Variants in FAM32A observed in about 807,000 individuals in gnomAD.
FAM32A encodes family with sequence similarity 32 member A.
Under a neutral mutation model 15.8 loss-of-function variants are expected in FAM32A, and 9 were observed. The observed-to-expected ratio is 0.57, with a 90% CI of 0.34 to 1.00. FAM32A has a LOEUF of 1.00. Among genes scored for constraint, FAM32A ranks in the 50% least tolerant of loss-of-function variants. FAM32A has a pLI of 0.02. For synonymous variants in FAM32A, 64 were observed against 54.9 expected (o/e 1.16, Z -0.73); for missense variants, 113 against 138.3 (o/e 0.82, Z 0.92).
intron 2 of FAM32A, among the ~76,000 whole-genome samples, chr19:16,187,934 CG>C (rs1370064772): frequency 2.0e-5 from 3 of 151,134 alleles, no homozygotes; most frequent in Non-Finnish European, 2.9e-5. Flanking sequence ...TTAGTAGAGA[CG>C]GGGTTTCACC....
rs1227638341 is a variant in FAM32A at position 16,185,528 on chromosome 19, G to A, written c.74+12G>A. On this transcript the variant is annotated intron_variant, in intron 1 of 3. Coordinates refer to ENST00000263384, the MANE Select transcript of FAM32A (RefSeq NM_014077.4). The stretch of plus-strand genomic sequence containing the variant: ...GGAGTGACCAAGCGGTGAGGCCCGA[G>A]GGCCCGCGGGATTCCGTCTTCATCC... 1 of 1,567,108 alleles carries A rather than the reference G, an allele frequency of 6.4e-7. No homozygotes were observed. The highest frequency in any genetic ancestry group is 8.7e-7 in the Non-Finnish European group (1 of 1,155,198).
At position 16,185,435 on chromosome 19, in the gene FAM32A, A is replaced by T; in HGVS notation, c.-8A>T. ...GGCACTCCAGCTACCGAAGCACTGG[A>T]GAGTGTCATGGAGGCCTACGAGCAG... On this transcript the variant is annotated 5_prime_UTR_variant, in exon 1 of 4. Transcript: ENST00000263384. The T allele has an allele frequency of 6.4e-7, 1 of 1,555,362 alleles. No homozygotes were observed. The highest frequency in any genetic ancestry group is 8.7e-7 in the Non-Finnish European group (1 of 1,148,914).
At position 16,190,548 on chromosome 19, in the gene FAM32A, C is replaced by G. The variant is rs2091402083; in HGVS notation, c.245C>G (p.Ser82Cys). Residue 82 changes from serine to cysteine, a missense_variant, in exon 3 of 4, where the codon TCC (serine) becomes TGC (cysteine). Transcript: ENST00000263384. ...RQMERILKKA[S>C]KTHKQRVEDF... ...ATGGAAAGGATCCTAAAGAAGGCAT[C>G]CAAAACCCACAAGCAGAGAGTGGAG... The G allele has an allele frequency of 1.2e-6, 2 of 1,613,358 alleles. No individual in the cohort carries two copies. Among genetic ancestry groups the G allele is most frequent in the Admixed American group, 3.3e-5 (2 of 59,952 alleles).
intron 2 of FAM32A, among the ~76,000 whole-genome samples, chr19:16,189,960 C>T (rs868148167): frequency 1.3e-5 from 2 of 151,986 alleles, no homozygotes; most frequent in South Asian, 2.1e-4. Context: ...TGAGCCACCG[C>T]GCCCAGCCCA....
rs1313526160 is a variant in FAM32A, at chr19:16,185,763, C to T, written c.214C>T (p.Arg72Trp). 71 of 1,550,044 alleles carry T rather than the reference C, an allele frequency of 4.6e-5. No homozygotes were observed. Among genetic ancestry groups the T allele is most frequent in the Non-Finnish European group, 5.9e-5 (68 of 1,146,588 alleles). Residue 72 changes from arginine to tryptophan, a missense_variant and splice_region_variant, in exon 2 of 4, where the codon CGG (arginine) becomes TGG (tryptophan). By Grantham distance (101) the Arg-to-Trp change is moderately radical (BLOSUM62 -3). Around this residue, in one of 2 missense-constraint regions of FAM32A, gnomAD observed 112 missense variants for 118.6 expected, o/e 0.94. Transcript: ENST00000263384. ...GGCCTTCGAGAAAATGCAGGAGAAG[C>T]GGGTGAGCAGAAGCAGAAGGCGGCG... ...QAAFEKMQEK[R>W]QMERILKKAS...
Position 16,185,741 on chromosome 19 carries a change from C to T in FAM32A, c.192C>T (p.Ala64=), listed in dbSNP as rs1568342413. The stretch of plus-strand genomic sequence containing the variant: ...ACAAGCGGACCCCGGCCCAGGCGGC[C>T]TTCGAGAAAATGCAGGAGAAGCGGG... ...GLDKRTPAQA[A]FEKMQEKRQM... is the part of the protein sequence containing the mutation. Residue 64 remains alanine (A), a synonymous_variant, in exon 2 of 4, where the codon GCC becomes GCT. Coordinates refer to ENST00000263384, the MANE Select transcript of FAM32A (RefSeq NM_014077.4). The T allele has an allele frequency of 6.4e-7, 1 of 1,552,570 alleles. No individual in the cohort carries two copies. Among genetic ancestry groups the T allele is most frequent in the East Asian group, 2.4e-5 (1 of 41,140 alleles).
In FAM32A at chr19:16,190,516, C is replaced by T; in HGVS notation, c.217-4C>T. ...ACTCACCTCCATGTCTCTTCTCTCT[C>T]CAGCAAATGGAAAGGATCCTAAAGA... is the stretch of plus-strand genomic sequence containing the variant. On this transcript the variant is annotated splice_polypyrimidine_tract_variant and splice_region_variant and intron_variant, in intron 2 of 3. Transcript: ENST00000263384. 6.2e-7 allele frequency: 1 copy of T among 1,608,332 alleles called. No individual in the cohort carries two copies. Among genetic ancestry groups the T allele is most frequent in the Non-Finnish European group, 8.5e-7 (1 of 1,176,588 alleles).
chr19:16,185,828 G>A, intron 2 of FAM32A, 63 bp downstream of exon 2: 1 of 1,524,714 alleles, frequency 6.6e-7, no homozygotes, highest in South Asian at 1.2e-5. Flanking sequence ...CTGGAAATTG[G>A]GGTCAGGGCT....
At chr19:16,188,615 C>T (rs1243785650) in intron 2 of FAM32A, among the ~76,000 whole-genome samples, 4 of 152,354 alleles carry the variant, frequency 2.6e-5, no homozygotes, top group South Asian at 4.1e-4. Context: ...CTGGGTGTCA[C>T]GCCTGTGGGC....
In FAM32A at chr19:16,185,695, A is replaced by G. The variant is rs1346783902; in HGVS notation, c.146A>G (p.Glu49Gly). Reference sequence around the variant, plus strand: ...ATGGGAACGAGCAAAAAGAACGAGGAGGAGAAGCGGCGCGGCCTGGACAAG... The same window carrying G: ...ATGGGAACGAGCAAAAAGAACGAGGGGGAGAAGCGGCGCGGCCTGGACAAG... Reference protein sequence around the residue: ...EAMGTSKKNEEEKRRGLDKRT... With the variant: ...EAMGTSKKNEGEKRRGLDKRT... Residue 49 changes from glutamate to glycine, a missense_variant, in exon 2 of 4, where the codon GAG becomes GGG. Glu to Gly is a moderately conservative substitution (Grantham distance 98, BLOSUM62 -2). Transcript: ENST00000263384. 1 of 1,572,642 alleles carries G rather than the reference A, an allele frequency of 6.4e-7. No individual in the cohort carries two copies. Among genetic ancestry groups the G allele is most frequent in the African/African-American group, 1.3e-5 (1 of 74,394 alleles).
intron 3 of FAM32A, 23 bp from the exon 4 acceptor site, chr19:16,190,864 G>A (rs375373984): frequency 1.6e-5 from 25 of 1,608,420 alleles, no homozygotes; most frequent in Middle Eastern, 1.6e-4. Flanking sequence ...CGCTGACACC[G>A]GCCTTCTACT....
rs561993332 is a variant in FAM32A at position 16,187,079 on chromosome 19, A to G, written c.216+1314A>G. The stretch of plus-strand genomic sequence containing the variant: ...TCTAATTCAGGCATACAGAAAACAC[A>G]TGGATGCACTACCTCTGGCATGACA... On this transcript the variant is annotated intron_variant, in intron 2 of 3. Coordinates refer to ENST00000263384, the MANE Select transcript of FAM32A (RefSeq NM_014077.4). Among the ~76,000 whole-genome samples, 52 of 152,258 alleles carry G rather than the reference A, an allele frequency of 3.4e-4. 1 individual carries two copies. The South Asian group carries it at 6.0e-3, about 18-fold the overall frequency.
At chr19:16,187,885 A>G (rs1420135010) in intron 2 of FAM32A, among the ~76,000 whole-genome samples, 1 of 152,056 alleles carries the variant, frequency 6.6e-6, no homozygotes, top group Non-Finnish European at 1.5e-5. Flanking sequence ...AGCTGGGACT[A>G]CAGGCGCCCA....
At chr19:16,190,161 C>G (rs753067354) in intron 2 of FAM32A, among the ~76,000 whole-genome samples, 2 of 151,766 alleles carry the variant, frequency 1.3e-5, no homozygotes, top group Non-Finnish European at 2.9e-5. Context: ...CCCTTTACCT[C>G]TCTCTTTCTC....
In FAM32A at chr19:16,191,878, AG is replaced by A. The variant is rs1489957091; in HGVS notation, c.*926del. 5.2e-5 allele frequency: 8 copies of A among 152,420 alleles called. No homozygotes were observed. The highest frequency in any genetic ancestry group is 1.9e-4 in the African/African-American group (8 of 41,580). 9.4% of individuals were successfully genotyped at this position (152,420 alleles called of 1,614,324 possible). ...CCGTGTTGGAGGGCTGGGATCTTGT[AG>A]GGCCTGTGCGTCCTGGCTGAGGATC... is the stretch of plus-strand genomic sequence containing the variant. On this transcript the variant is annotated 3_prime_UTR_variant, in exon 4 of 4. Coordinates refer to ENST00000263384, the MANE Select transcript of FAM32A (RefSeq NM_014077.4).
At chr19:16,186,229 C>T (rs34285773) in intron 2 of FAM32A, 253 of 159,304 alleles carry the variant, frequency 1.6e-3, no homozygotes, top group African/African-American at 5.9e-3. Context: ...TATTAAATGG[C>T]CATGCTCGCC....
chr19:16,189,970 A>G (rs1898716811), intron 2 of FAM32A, among the ~76,000 whole-genome samples: 2 of 151,984 alleles, frequency 1.3e-5, no homozygotes, highest in South Asian at 4.1e-4. Context: ...CGCCCAGCCC[A>G]CACTCCCAGC....
intron 2 of FAM32A, among the ~76,000 whole-genome samples, chr19:16,189,694 T>TTTTTTTTTTTTTTTTTTGGGGGGGGGGGG: frequency 8.3e-6 from 1 of 120,592 alleles, no homozygotes; most frequent in South Asian, 2.6e-4. Flanking sequence ...TTTTTTTTTT[T>TTTTTTTTTTTTTTTTTTGGGGGGGGGGGG]GACAGGGTCT....
Position 16,190,576 on chromosome 19 carries a change from G to A in FAM32A, c.270+3G>A, listed in dbSNP as rs1445174926. ...AAACCCACAAGCAGAGAGTGGAGGTGAGTCGCCGTGTCCAGTGGGGGAGAC... is the reference window on the plus strand; with the variant it reads ...AAACCCACAAGCAGAGAGTGGAGGTAAGTCGCCGTGTCCAGTGGGGGAGAC... On this transcript the variant is annotated splice_donor_region_variant and intron_variant, in intron 3 of 3. Transcript: ENST00000263384. 1.9e-6 allele frequency: 3 copies of A among 1,611,388 alleles called. No individual in the cohort carries two copies. Among genetic ancestry groups the A allele is most frequent in the African/African-American group, 1.3e-5 (1 of 74,848 alleles).
Sources: allele counts gnomAD v4.1 joint callset (sites outside exome capture counted in the v4.1 genomes callset), GRCh38; gene constraint gnomAD v4.1.1; regional missense constraint gnomAD v4.1.1; transcripts MANE v1.5; gene names NCBI Gene and HGNC (gene_info 2026-07-23, HGNC 2026-07-21).